MACROD2: variants seen among roughly 807,000 people sequenced by gnomAD.
MACROD2 encodes ADP-ribose glycohydrolase MACROD2.
In MACROD2, 36 loss-of-function variants were observed where a neutral mutation model predicts 70.4. The ratio of observed to expected loss-of-function variants is 0.51; its 90% confidence interval spans 0.39 to 0.68. The LOEUF is 0.68. Ranked by LOEUF, MACROD2 falls within the 30% of genes least tolerant of loss-of-function variation. The pLI, the probability that MACROD2 is intolerant of heterozygous loss-of-function variation, is 0.00. For missense variants in MACROD2, 496 were observed against 538.4 expected, an observed-to-expected ratio of 0.92 and a Z score of 0.78; for synonymous variants, 172 against 178.8, an observed-to-expected ratio of 0.96 and a Z score of 0.30.
At chr20:15,207,806 A>G (rs1332111086) in intron 5 of MACROD2, among the ~76,000 whole-genome samples, 8 of 152,040 alleles carry the variant, frequency 5.3e-5, no homozygotes, top group Admixed American at 2.6e-4. Flanking sequence ...TCCAATATAG[A>G]TAAGGATTCA....
chr20:15,932,246 G>T (rs1020549047), intron 10 of MACROD2, among the ~76,000 whole-genome samples: 2 of 152,160 alleles, frequency 1.3e-5, no homozygotes, highest in Non-Finnish European at 2.9e-5. Flanking sequence ...TGGCAGGCCA[G>T]CTTCAACTTC....
intron 8 of MACROD2, among the ~76,000 whole-genome samples, chr20:15,500,600 C>A (rs2047352482): frequency 6.6e-6 from 1 of 152,124 alleles, no homozygotes. Context: ...CAGTTATTCA[C>A]ATAAGGGCTA....
At chr20:14,442,264 C>T (rs777876875) in intron 3 of MACROD2, among the ~76,000 whole-genome samples, 4 of 151,946 alleles carry the variant, frequency 2.6e-5, no homozygotes, top group Admixed American at 6.6e-5. Context: ...AGTGAGACTC[C>T]ATGTCAAAAC....
chr20:15,477,604 G>A (rs548943452), intron 7 of MACROD2, among the ~76,000 whole-genome samples: 1 of 152,168 alleles, frequency 6.6e-6, no homozygotes, highest in African/African-American at 2.4e-5. Context: ...ACCCAATGAA[G>A]GGTACATTAA....
rs187328519 is a variant in MACROD2, at chr20:14,871,857, G to A, written c.418+186898G>A. Reference sequence around the variant, plus strand: ...CCAAGCAAATGGAAAACAGAAAAAAGCTGGAGTTATAATCCCAGTTTCTGA... The same window carrying A: ...CCAAGCAAATGGAAAACAGAAAAAAACTGGAGTTATAATCCCAGTTTCTGA... On this transcript the variant is annotated intron_variant, in intron 5 of 17. Transcript: ENST00000684519. Among the ~76,000 whole-genome samples, 319 of 152,182 alleles carry A rather than the reference G, an allele frequency of 2.1e-3. 4 individuals carry two copies. The highest frequency in any genetic ancestry group is 7.5e-3 in the African/African-American group (311 of 41,542).
At chr20:14,181,944 G>A (rs2148731740) in intron 3 of MACROD2, among the ~76,000 whole-genome samples, 1 of 152,236 alleles carries the variant, frequency 6.6e-6, no homozygotes, top group South Asian at 2.1e-4. Context: ...TAATTCTTCT[G>A]TGAATATTTG....
At chr20:15,551,995 A>G (rs866428781) in intron 8 of MACROD2, among the ~76,000 whole-genome samples, 7 of 152,084 alleles carry the variant, frequency 4.6e-5, no homozygotes, top group South Asian at 2.1e-4. Context: ...AAATTTTTAT[A>G]TGCATACATT....
At chr20:14,955,971 T>C (rs2074533047) in intron 5 of MACROD2, among the ~76,000 whole-genome samples, 1 of 152,180 alleles carries the variant, frequency 6.6e-6, no homozygotes, top group Non-Finnish European at 1.5e-5. Context: ...TGCAATCAGT[T>C]TTTCTGAAAA....
intron 8 of MACROD2, among the ~76,000 whole-genome samples, chr20:15,653,547 T>C (rs1451375501): frequency 6.6e-6 from 1 of 152,192 alleles, no homozygotes; most frequent in Non-Finnish European, 1.5e-5. Flanking sequence ...GGCTCAGTCA[T>C]AAAAGTGTTT....
rs183742327 is a variant in MACROD2 at position 15,702,494 on chromosome 20, G to A, written c.646-160251G>A. 7.9e-5 allele frequency among the ~76,000 whole-genome samples: 12 copies of A among 152,194 alleles called. No homozygotes were observed. In the East Asian group the frequency reaches 2.3e-3, roughly 29 times the overall value. The stretch of plus-strand genomic sequence containing the variant: ...TGAGAAGAGTCTGTTCATATCCTTT[G>A]CCCATTTTTAAGGGATTTGTTGTTG... On this transcript the variant is annotated intron_variant, in intron 8 of 17. Transcript: ENST00000684519.
chr20:15,945,686 CATT>C (rs2065812819), intron 12 of MACROD2, among the ~76,000 whole-genome samples: 1 of 152,148 alleles, frequency 6.6e-6, no homozygotes, highest in Non-Finnish European at 1.5e-5. Context: ...AGCAATCTCT[CATT>C]ATTACTTTTA....
At chr20:14,226,817 A>T (rs1255344255) in intron 3 of MACROD2, among the ~76,000 whole-genome samples, 1 of 152,208 alleles carries the variant, frequency 6.6e-6, no homozygotes, top group Non-Finnish European at 1.5e-5. Context: ...TGTGCGGCCA[A>T]GCCTCCCCGA....
Position 14,704,875 on chromosome 20 carries a change from A to C in MACROD2, c.418+19916A>C, listed in dbSNP as rs140404054. On this transcript the variant is annotated intron_variant, in intron 5 of 17. Coordinates refer to ENST00000684519, the MANE Select transcript of MACROD2 (RefSeq NM_001351661.2). ...GGGAAATGCAAAATCAAGGCCTGGC[A>C]GGGGCTGGCTTTTGAGACAGCTAGG... is the stretch of plus-strand genomic sequence containing the variant. Among the ~76,000 whole-genome samples, 865 of 152,182 alleles carry C rather than the reference A, an allele frequency of 5.7e-3. 4 individuals carry two copies. The highest frequency in any genetic ancestry group is 0.041 in the Middle Eastern group (12 of 294).
At chr20:14,963,344 A>G (rs1424534662) in intron 5 of MACROD2, among the ~76,000 whole-genome samples, 3 of 152,034 alleles carry the variant, frequency 2.0e-5, no homozygotes, top group African/African-American at 4.8e-5. Context: ...CCTCCTCCCA[A>G]TAATTCTATT....
At chr20:14,079,507 A>G (rs1161323178) in intron 2 of MACROD2, among the ~76,000 whole-genome samples, 1 of 152,186 alleles carries the variant, frequency 6.6e-6, no homozygotes, top group African/African-American at 2.4e-5. Context: ...TCTATAACTC[A>G]TGACAATTTA....
chr20:14,563,369 C>G (rs1979565130), intron 4 of MACROD2, among the ~76,000 whole-genome samples: 1 of 151,824 alleles, frequency 6.6e-6, no homozygotes, highest in Admixed American at 6.6e-5. Flanking sequence ...AGAAAAATGT[C>G]TTCATTATTT....
At chr20:14,111,389 G>A (rs1187292506) in intron 3 of MACROD2, among the ~76,000 whole-genome samples, 1 of 151,944 alleles carries the variant, frequency 6.6e-6, no homozygotes, top group African/African-American at 2.4e-5. Context: ...AAAAGCTTCT[G>A]CACAGTAAAT....
chr20:14,035,074 G>A (rs1322639631), intron 2 of MACROD2, among the ~76,000 whole-genome samples: 1 of 152,102 alleles, frequency 6.6e-6, no homozygotes, highest in East Asian at 1.9e-4. Flanking sequence ...ATAGGTAAGT[G>A]TTGATTTTCA....
At chr20:15,581,740 C>A (rs946645440) in intron 8 of MACROD2, among the ~76,000 whole-genome samples, 34 of 152,120 alleles carry the variant, frequency 2.2e-4, no homozygotes, top group African/African-American at 8.2e-4. Context: ...AGATCTGGTC[C>A]TTGAAGAAGG....
Sources: allele counts gnomAD v4.1 joint callset (sites outside exome capture counted in the v4.1 genomes callset), GRCh38; gene constraint gnomAD v4.1.1; transcripts MANE v1.5; gene names NCBI Gene and HGNC (gene_info 2026-07-23, HGNC 2026-07-21).